The following ZNF804A variants were observed in gnomAD, a reference collection of about 807,000 sequenced individuals.
ZNF804A encodes the protein zinc finger protein 804A.
ZNF804A carries 2 observed loss-of-function variants against 16.5 expected under a neutral mutation model. The ratio of observed to expected loss-of-function variants is 0.12; its 90% CI spans 0.05 to 0.38. ZNF804A has a LOEUF of 0.38. ZNF804A is among the 10% of genes least tolerant of loss of function. The pLI, the probability that ZNF804A is intolerant of heterozygous loss-of-function variation, is 0.99. For missense variants in ZNF804A, 1,473 were observed against 1,390.7 expected, an observed-to-expected ratio of 1.06 and a Z score of -0.94; for synonymous variants, 534 against 489.6, an observed-to-expected ratio of 1.09 and a Z score of -1.20.
intron 1 of ZNF804A, among the ~76,000 whole-genome samples, chr2:184,666,761 A>T (rs188867129): frequency 6.6e-6 from 1 of 152,178 alleles, no homozygotes; most frequent in Non-Finnish European, 1.5e-5. Flanking sequence ...GTATTATCAT[A>T]ATGTGCATGT....
At chr2:184,862,978 A>G (rs1259894894) in intron 1 of ZNF804A, among the ~76,000 whole-genome samples, 1 of 152,142 alleles carries the variant, frequency 6.6e-6, no homozygotes, top group Non-Finnish European at 1.5e-5. Flanking sequence ...CCTGATTTAG[A>G]GAGATATACT....
At chr2:184,774,088 G>C (rs1480908310) in intron 1 of ZNF804A, among the ~76,000 whole-genome samples, 1 of 151,716 alleles carries the variant, frequency 6.6e-6, no homozygotes, top group Admixed American at 6.6e-5. Flanking sequence ...CTAAAATCTT[G>C]CCTTTTTTAG....
At chr2:184,867,507 C>G (rs763105824) in intron 2 of ZNF804A, among the ~76,000 whole-genome samples, 1 of 152,116 alleles carries the variant, frequency 6.6e-6, no homozygotes, top group South Asian at 2.1e-4. Context: ...GTCGTTCATA[C>G]CAACTACACT....
intron 1 of ZNF804A, among the ~76,000 whole-genome samples, chr2:184,690,434 A>T (rs1692709614): frequency 6.6e-6 from 1 of 152,010 alleles, no homozygotes; most frequent in Non-Finnish European, 1.5e-5. Flanking sequence ...CTCTATATGG[A>T]GTTACATGAA....
intron 2 of ZNF804A, among the ~76,000 whole-genome samples, chr2:184,915,892 C>G (rs1685442141): frequency 6.6e-6 from 1 of 152,140 alleles, no homozygotes; most frequent in South Asian, 2.1e-4. Context: ...TCCACAGGTT[C>G]ATTCAGCATA....
At chr2:184,832,268 G>C (rs1052074481) in intron 1 of ZNF804A, among the ~76,000 whole-genome samples, 21 of 151,958 alleles carry the variant, frequency 1.4e-4, no homozygotes, top group Admixed American at 1.4e-3. Context: ...GGCACAGCAG[G>C]AATTTGCTAT....
intron 1 of ZNF804A, among the ~76,000 whole-genome samples, chr2:184,662,323 A>G (rs1335337437): frequency 6.6e-6 from 1 of 152,194 alleles, no homozygotes; most frequent in Non-Finnish European, 1.5e-5. Context: ...ATGATGTAAT[A>G]ATAGACTATA....
At chr2:184,796,053 C>G (rs570010552) in intron 1 of ZNF804A, among the ~76,000 whole-genome samples, 13 of 152,070 alleles carry the variant, frequency 8.5e-5, no homozygotes, top group African/African-American at 2.9e-4. Context: ...ATCCCTGTAT[C>G]CCTGGTATGA....
At chr2:184,856,019 C>T (rs546249047) in intron 1 of ZNF804A, among the ~76,000 whole-genome samples, 14 of 151,908 alleles carry the variant, frequency 9.2e-5, no homozygotes, top group African/African-American at 3.4e-4. Context: ...GGAGAAATAG[C>T]CAAAACGATT....
Position 184,938,714 on chromosome 2 carries a change from CGCTGCAGCTGCTGCA to C in ZNF804A, c.3330_3344del (p.Ala1115_Ala1119del), listed in dbSNP as rs749760699. The C allele has an allele frequency of 3.2e-4, 517 of 1,612,188 alleles. 1 individual carries two copies. The highest frequency in any genetic ancestry group is 3.7e-4 in the Non-Finnish European group (433 of 1,178,868). ...TCCATCACACTGTTTTGCAGCAGCA[CGCTGCAGCTGCTGCA>C]GCTGCAGCTGCAGCCGCAGCTGCAG... On this transcript the variant is annotated inframe_deletion, in exon 4 of 4. Transcript: ENST00000302277.
chr2:184,916,949 G>A (rs556543510), intron 2 of ZNF804A, among the ~76,000 whole-genome samples: 3 of 152,234 alleles, frequency 2.0e-5, no homozygotes, highest in South Asian at 4.1e-4. Context: ...ATGCTATTAA[G>A]GACTAGGAAT....
chr2:184,744,568 C>A (rs1301658914), intron 1 of ZNF804A, among the ~76,000 whole-genome samples: 1 of 151,862 alleles, frequency 6.6e-6, no homozygotes, highest in Non-Finnish European at 1.5e-5. Context: ...TCTATTGCAA[C>A]CTTGATCTTG....
At chr2:184,904,825 AT>A (rs1685244521) in intron 2 of ZNF804A, among the ~76,000 whole-genome samples, 1 of 152,084 alleles carries the variant, frequency 6.6e-6, no homozygotes, top group Admixed American at 6.6e-5. Flanking sequence ...TTCATATGAT[AT>A]CCAGTCATTG....
At chr2:184,775,256 T>G (rs1694269900) in intron 1 of ZNF804A, among the ~76,000 whole-genome samples, 1 of 151,732 alleles carries the variant, frequency 6.6e-6, no homozygotes, top group Non-Finnish European at 1.5e-5. Flanking sequence ...CACTGGGAAC[T>G]TGTAGGTTCT....
At chr2:184,712,197 T>C (rs753396067) in intron 1 of ZNF804A, among the ~76,000 whole-genome samples, 2 of 151,808 alleles carry the variant, frequency 1.3e-5, no homozygotes, top group African/African-American at 4.8e-5. Flanking sequence ...ATTAAGTTTA[T>C]TCCTATGAAG....
intron 1 of ZNF804A, among the ~76,000 whole-genome samples, chr2:184,656,759 T>A (rs1182655463): frequency 6.6e-6 from 1 of 151,820 alleles, no homozygotes; most frequent in Non-Finnish European, 1.5e-5. Context: ...CATATATATA[T>A]ACACATACAT....
At chr2:184,852,257 CTCTCTA>C (rs1236478681) in intron 1 of ZNF804A, among the ~76,000 whole-genome samples, 1 of 150,962 alleles carries the variant, frequency 6.6e-6, no homozygotes, top group Non-Finnish European at 1.5e-5. Flanking sequence ...CTCTCTCTCT[CTCTCTA>C]TCTCTCAGAA....
chr2:184,934,566 G>A (rs370192879), intron 3 of ZNF804A, among the ~76,000 whole-genome samples: 56 of 152,190 alleles, frequency 3.7e-4, no homozygotes, highest in African/African-American at 1.3e-3. Context: ...AAAAACAGAT[G>A]TTACTGCTGT....
chr2:184,932,899 A>G (rs1224628336), intron 2 of ZNF804A, among the ~76,000 whole-genome samples: 1 of 152,132 alleles, frequency 6.6e-6, no homozygotes. Context: ...GATAATACCC[A>G]AGGTAGTAAG....
Sources: allele counts gnomAD v4.1 joint callset (sites outside exome capture counted in the v4.1 genomes callset), GRCh38; gene constraint gnomAD v4.1.1; transcripts MANE v1.5; gene names NCBI Gene and HGNC (gene_info 2026-07-23, HGNC 2026-07-21).